Variants in RARB observed in about 807,000 individuals in gnomAD.
RARB encodes the protein HBV-activated protein.
RARB carries 17 observed loss-of-function variants against 51.9 expected under a neutral mutation model. The observed-to-expected ratio is 0.33, with a 90% CI of 0.22 to 0.49. The LOEUF (loss-of-function observed/expected upper bound fraction) is 0.49. Among genes scored for constraint, RARB ranks in the 20% least tolerant of loss-of-function variants. RARB has a pLI of 0.99. For synonymous variants in RARB, 215 were observed against 195.4 expected (o/e 1.10, Z -0.84); for missense variants, 369 against 550.8 (o/e 0.67, Z 3.30).
At chr3:25,347,864 A>T (rs1204382389) in intron 5 of RARB, among the ~76,000 whole-genome samples, 1 of 152,182 alleles carries the variant, frequency 6.6e-6, no homozygotes, top group Non-Finnish European at 1.5e-5. Flanking sequence ...CACTTCCAGC[A>T]CTGGTGATGT....
intron 2 of RARB, among the ~76,000 whole-genome samples, chr3:24,969,992 G>A (rs1016573352): frequency 3.9e-5 from 6 of 151,970 alleles, no homozygotes; most frequent in Non-Finnish European, 5.9e-5. Context: ...GAAAAAGAAC[G>A]ATCACCTAAA....
At chr3:25,525,245 C>A (rs1698598500) in intron 3 of RARB, among the ~76,000 whole-genome samples, 1 of 152,088 alleles carries the variant, frequency 6.6e-6, no homozygotes, top group South Asian at 2.1e-4. Context: ...GCTAGGTTAT[C>A]CTGTTCATTT....
At chr3:25,217,580 C>T (rs1325151622) in intron 5 of RARB, among the ~76,000 whole-genome samples, 1 of 152,036 alleles carries the variant, frequency 6.6e-6, no homozygotes, top group Non-Finnish European at 1.5e-5. Flanking sequence ...TTTGGAGTCA[C>T]TGCCAGGAGA....
chr3:25,568,130 A>G (rs1700572121), intron 3 of RARB, among the ~76,000 whole-genome samples: 2 of 151,952 alleles, frequency 1.3e-5, no homozygotes, highest in South Asian at 4.2e-4. Flanking sequence ...CACTCATTTC[A>G]CCAGTGATCT....
At chr3:25,040,923 A>G (rs1199549528) in intron 2 of RARB, among the ~76,000 whole-genome samples, 1 of 152,182 alleles carries the variant, frequency 6.6e-6, no homozygotes, top group Non-Finnish European at 1.5e-5. Flanking sequence ...AAGTCAGCTC[A>G]TTGCTGGAAT....
intron 5 of RARB, among the ~76,000 whole-genome samples, chr3:25,308,589 C>T (rs1460486402): frequency 6.6e-6 from 1 of 151,918 alleles, no homozygotes; most frequent in African/African-American, 2.4e-5. Flanking sequence ...GCTGGGATTA[C>T]AGGCATGCAT....
intron 3 of RARB, among the ~76,000 whole-genome samples, chr3:25,115,906 C>T (rs1163796968): frequency 1.3e-5 from 2 of 152,168 alleles, no homozygotes; most frequent in African/African-American, 4.8e-5. Context: ...GCTGGGGTTA[C>T]AGGCATGAGG....
At chr3:25,577,380 G>A (rs1700982126) in intron 4 of RARB, among the ~76,000 whole-genome samples, 1 of 152,180 alleles carries the variant, frequency 6.6e-6, no homozygotes, top group Non-Finnish European at 1.5e-5. Flanking sequence ...AGAAAAAGGG[G>A]TGGTTACATG....
Position 24,881,740 on chromosome 3 carries a change from G to A in RARB, c.-380+22988G>A, listed in dbSNP as rs116360405. 7.3e-3 allele frequency among the ~76,000 whole-genome samples: 1,111 copies of A among 152,272 alleles called. 13 individuals carry two copies. Among genetic ancestry groups the A allele is most frequent in the African/African-American group, 0.025 (1,059 of 41,544 alleles). On this transcript the variant is annotated intron_variant, in intron 2 of 11. Transcript: ENST00000383772. The stretch of plus-strand genomic sequence containing the variant: ...AATGTCAAAATAAGAGCACAATGAT[G>A]GCTGTGGCAGGTGGTAGCCCAAGGC...
At chr3:25,041,654 C>T (rs1000561133) in intron 2 of RARB, among the ~76,000 whole-genome samples, 4 of 151,916 alleles carry the variant, frequency 2.6e-5, no homozygotes, top group Admixed American at 6.6e-5. Context: ...TTATCCTCAA[C>T]TCTAAATTCC....
intron 2 of RARB, among the ~76,000 whole-genome samples, chr3:25,022,445 C>T (rs1019759553): frequency 1.4e-4 from 22 of 152,024 alleles, no homozygotes; most frequent in African/African-American, 4.3e-4. Context: ...ATTTTATCAC[C>T]GATGCTGTTA....
At chr3:25,304,943 C>A (rs1704121553) in intron 5 of RARB, among the ~76,000 whole-genome samples, 1 of 152,160 alleles carries the variant, frequency 6.6e-6, no homozygotes, top group South Asian at 2.1e-4. Flanking sequence ...GTTTACCCTA[C>A]AAGAGACATT....
At chr3:24,856,865 A>C (rs1702643106) in intron 1 of RARB, among the ~76,000 whole-genome samples, 1 of 152,182 alleles carries the variant, frequency 6.6e-6, no homozygotes, top group Admixed American at 6.5e-5. Flanking sequence ...AAGTTGCTTG[A>C]ATCTGTCTCC....
intron 2 of RARB, among the ~76,000 whole-genome samples, chr3:25,037,459 T>G (rs1289689028): frequency 6.6e-6 from 1 of 151,960 alleles, no homozygotes; most frequent in Admixed American, 6.6e-5. Context: ...CAATGAGAGA[T>G]AAAACCTCAG....
chr3:25,265,156 CA>C (rs1159926361), intron 5 of RARB, among the ~76,000 whole-genome samples: 1 of 152,090 alleles, frequency 6.6e-6, no homozygotes, highest in Non-Finnish European at 1.5e-5. Flanking sequence ...TTTGTTATAG[CA>C]GCCCAAATGG....
intron 3 of RARB, among the ~76,000 whole-genome samples, chr3:25,533,615 A>T (rs79920715): frequency 6.6e-6 from 1 of 152,288 alleles, no homozygotes; most frequent in East Asian, 1.9e-4. Flanking sequence ...TTTGCAAACG[A>T]TATATCTAGG....
chr3:24,941,038 C>T (rs1695655177), intron 2 of RARB, among the ~76,000 whole-genome samples: 1 of 152,058 alleles, frequency 6.6e-6, no homozygotes, highest in African/African-American at 2.4e-5. Context: ...AATAGAACTC[C>T]CTTTCCATTA....
intron 5 of RARB, among the ~76,000 whole-genome samples, chr3:25,216,782 A>AT (rs1701844637): frequency 6.6e-6 from 1 of 150,888 alleles, no homozygotes; most frequent in Non-Finnish European, 1.5e-5. Context: ...TCTTCTAAAA[A>AT]ATATATGTAT....
chr3:24,880,144 T>G (rs1703130514), intron 2 of RARB, among the ~76,000 whole-genome samples: 1 of 152,180 alleles, frequency 6.6e-6, no homozygotes, highest in South Asian at 2.1e-4. Flanking sequence ...TTTTAGTTGT[T>G]CTCAGTGGGA....
Sources: allele counts gnomAD v4.1 joint callset (sites outside exome capture counted in the v4.1 genomes callset), GRCh38; gene constraint gnomAD v4.1.1; transcripts MANE v1.5; gene names NCBI Gene and HGNC (gene_info 2026-07-23, HGNC 2026-07-21).